The following ERC1 variants were observed in gnomAD, a reference collection of about 807,000 sequenced individuals.
The protein encoded by ERC1 is ELKS/RAB6-interacting/CAST family member 1.
ERC1 carries 56 observed loss-of-function variants against 132.0 expected under a neutral mutation model. The observed-to-expected ratio is 0.42, with a 90% CI of 0.34 to 0.53. The LOEUF is 0.53. Among genes scored for constraint, ERC1 ranks in the 20% least tolerant of loss-of-function variants. ERC1 has a pLI of 0.03. For missense variants in ERC1, 1,202 were observed against 1,349.9 expected (o/e 0.89, Z 1.72); for synonymous variants, 478 against 476.1 (o/e 1.00, Z -0.05).
chr12:1,344,225 G>A (rs1013519207), intron 15 of ERC1, among the ~76,000 whole-genome samples: 4 of 152,170 alleles, frequency 2.6e-5, no homozygotes, highest in Admixed American at 1.3e-4. Flanking sequence ...GGGGAGTCAG[G>A]GTTGGGGTGG....
chr12:1,060,749 G>A lies in ERC1; in HGVS notation c.670-22415G>A, dbSNP rs1417244084. Among the ~76,000 whole-genome samples the A allele has an allele frequency of 4.0e-4, 59 of 147,886 alleles. 1 individual carries two copies. Among genetic ancestry groups the A allele is most frequent in the African/African-American group, 1.4e-3 (57 of 40,036 alleles). On this transcript the variant is annotated intron_variant, in intron 2 of 18. Transcript: ENST00000360905. ...ATTTTTTTTTTTTTTTTTTTGAGAC[G>A]GAGTCTCGCTTTGTTGCCCAGGCTG...
At chr12:1,062,241 C>T (rs1026634177) in intron 2 of ERC1, among the ~76,000 whole-genome samples, 7 of 152,000 alleles carry the variant, frequency 4.6e-5, no homozygotes, top group African/African-American at 9.7e-5. Context: ...CCTCGGCCCC[C>T]GAAGTGCTGG....
intron 16 of ERC1, chr12:1,386,476 C>T (rs111499035): frequency 0.22 from 33,474 of 150,500 alleles, 7,067 homozygotes; most frequent in African/African-American, 0.56. Context: ...GGTGAAACCC[C>T]GTCTCTACTA....
intron 12 of ERC1, among the ~76,000 whole-genome samples, chr12:1,208,940 G>A (rs1212838586): frequency 8.5e-5 from 12 of 141,576 alleles, no homozygotes; most frequent in Middle Eastern, 4.1e-3. Flanking sequence ...ACAGGCACTT[G>A]CCACCACGCC....
chr12:995,069 C>T (rs541501058), intron 1 of ERC1, among the ~76,000 whole-genome samples: 2 of 150,740 alleles, frequency 1.3e-5, no homozygotes, highest in African/African-American at 4.9e-5. Flanking sequence ...GCACTCCAGC[C>T]TGGGTGACAG....
intron 18 of ERC1, among the ~76,000 whole-genome samples, chr12:1,489,360 A>G (rs1424266446): frequency 1.3e-5 from 2 of 152,214 alleles, no homozygotes; most frequent in African/African-American, 4.8e-5. Context: ...TAGGGCTGCC[A>G]CAGCACATGC....
chr12:1,153,743 G>A (rs151253752), intron 8 of ERC1, among the ~76,000 whole-genome samples: 65 of 152,340 alleles, frequency 4.3e-4, no homozygotes, highest in African/African-American at 1.3e-3. Context: ...CTGGCCGTGC[G>A]TGTGGAATGC....
At chr12:1,401,383 A>G (rs74059513) in intron 16 of ERC1, among the ~76,000 whole-genome samples, 26,544 of 152,036 alleles carry the variant, frequency 0.17, 3,792 homozygotes, top group African/African-American at 0.39. Context: ...GGATAAAGGA[A>G]GCAGGTAGAG....
At chr12:1,043,852 T>C (rs1428986184) in intron 2 of ERC1, among the ~76,000 whole-genome samples, 1 of 152,250 alleles carries the variant, frequency 6.6e-6, no homozygotes, top group African/African-American at 2.4e-5. Flanking sequence ...TTGCTAATGC[T>C]ACTGTCTCTT....
intron 12 of ERC1, among the ~76,000 whole-genome samples, chr12:1,209,104 G>T (rs1439081841): frequency 6.6e-6 from 1 of 151,866 alleles, no homozygotes; most frequent in Non-Finnish European, 1.5e-5. Context: ...GAGTAGCTGG[G>T]ATTACAGGGG....
At chr12:1,299,128 A>G (rs780341775) in intron 15 of ERC1, among the ~76,000 whole-genome samples, 1 of 152,206 alleles carries the variant, frequency 6.6e-6, no homozygotes, top group Non-Finnish European at 1.5e-5. Context: ...TTACTAAACA[A>G]ACAAAAGCAA....
chr12:1,257,435 A>G (rs1232318996), intron 13 of ERC1, among the ~76,000 whole-genome samples: 1 of 152,248 alleles, frequency 6.6e-6, no homozygotes, highest in Non-Finnish European at 1.5e-5. Context: ...AACAATGATT[A>G]CAGATATTTT....
intron 15 of ERC1, among the ~76,000 whole-genome samples, chr12:1,333,457 C>T (rs768214071): frequency 6.6e-5 from 10 of 151,616 alleles, no homozygotes; most frequent in South Asian, 2.1e-4. Flanking sequence ...CTCAGCCTCC[C>T]GAGTAGCTCA....
rs11379712 is a variant in ERC1, at chr12:999,630, T to TTTG, written c.-157+8308_-157+8309insTTG. On this transcript the variant is annotated intron_variant, in intron 1 of 18. Transcript: ENST00000360905. ...GGTGATTTTTTTTTTTTTTTTTTTT[T>TTTG]GAGATGGAGTTTCACTCTGTCGCCA... 2.7e-5 allele frequency among the ~76,000 whole-genome samples: 4 copies of TTTG among 150,006 alleles called. No individual in the cohort carries two copies. In the East Asian group the frequency reaches 5.9e-4, roughly 22 times the overall value.
At chr12:1,161,510 C>T (rs1038095329) in intron 8 of ERC1, among the ~76,000 whole-genome samples, 1 of 152,184 alleles carries the variant, frequency 6.6e-6, no homozygotes, top group Non-Finnish European at 1.5e-5. Context: ...CACTTGCTCC[C>T]TGGCAAAATT....
intron 13 of ERC1, among the ~76,000 whole-genome samples, chr12:1,261,850 C>A (rs2077164833): frequency 6.6e-6 from 1 of 152,074 alleles, no homozygotes; most frequent in Admixed American, 6.5e-5. Flanking sequence ...TTTTCTAAAT[C>A]TCATTTTTTA....
chr12:1,412,625 CCA>C (rs1337356426), intron 17 of ERC1, among the ~76,000 whole-genome samples: 1 of 152,146 alleles, frequency 6.6e-6, no homozygotes, highest in Admixed American at 6.5e-5. Flanking sequence ...CACGTGGACT[CCA>C]GAGCCAGACT....
At chr12:1,443,557 A>G (rs920531139) in intron 17 of ERC1, 1 of 152,284 alleles carries the variant, frequency 6.6e-6, no homozygotes, top group African/African-American at 2.4e-5. Context: ...CCCTGGGAAC[A>G]CACTGAGATC....
At chr12:1,134,149 A>G (rs1949029451) in intron 7 of ERC1, among the ~76,000 whole-genome samples, 1 of 152,076 alleles carries the variant, frequency 6.6e-6, no homozygotes, top group Non-Finnish European at 1.5e-5. Context: ...GCTTTGTTAG[A>G]TGGTACCAAA....
Sources: allele counts gnomAD v4.1 joint callset (sites outside exome capture counted in the v4.1 genomes callset), GRCh38; gene constraint gnomAD v4.1.1; transcripts MANE v1.5; gene names NCBI Gene and HGNC (gene_info 2026-07-23, HGNC 2026-07-21).